PHKB: variants seen among roughly 807,000 people sequenced by gnomAD.
The protein encoded by PHKB is phosphorylase b kinase regulatory subunit beta.
In PHKB, 122 loss-of-function variants were observed where a neutral mutation model predicts 152.1. The ratio of observed to expected loss-of-function variants is 0.80; its 90% CI spans 0.69 to 0.93. The LOEUF (loss-of-function observed/expected upper bound fraction) is 0.93, where lower values mean the gene tolerates loss of function less well. Ranked by LOEUF, PHKB falls within the 40% of genes least tolerant of loss-of-function variation. The pLI is 0.00. For missense variants in PHKB, 1,304 were observed against 1,328.4 expected (o/e 0.98, Z 0.29); for synonymous variants, 436 against 464.9 (o/e 0.94, Z 0.80).
intron 6 of PHKB, among the ~76,000 whole-genome samples, chr16:47,520,827 GATA>G (rs2151655289): frequency 6.6e-6 from 1 of 152,234 alleles, no homozygotes; most frequent in African/African-American, 2.4e-5. Context: ...TCATTTTCTT[GATA>G]ATATCATTTG....
intron 7 of PHKB, among the ~76,000 whole-genome samples, chr16:47,549,619 T>G (rs1250316460): frequency 6.6e-6 from 1 of 151,928 alleles, no homozygotes; most frequent in African/African-American, 2.4e-5. Flanking sequence ...CTCTTGAACC[T>G]GGGAGGTGGA....
Position 47,663,666 on chromosome 16 carries a change from C to T in PHKB, c.2279-11C>T. 5 of 1,608,850 alleles carry T rather than the reference C, an allele frequency of 3.1e-6. No individual in the cohort carries two copies. The South Asian group carries it at 3.3e-5, about 11-fold the overall frequency. On this transcript the variant is annotated splice_polypyrimidine_tract_variant and intron_variant, in intron 23 of 30. Transcript: ENST00000323584. ...CTTTGTTCAACAAAGACTCTATTAT[C>T]CAATGTCTAGGTACCGTTTCTGATC...
At chr16:47,631,006 C>G (rs767898993) in intron 14 of PHKB, among the ~76,000 whole-genome samples, 1 of 152,162 alleles carries the variant, frequency 6.6e-6, no homozygotes, top group South Asian at 2.1e-4. Flanking sequence ...TTTAGGCCTT[C>G]GGACTCAGAC....
At chr16:47,629,354 G>A (rs1972777578) in intron 14 of PHKB, among the ~76,000 whole-genome samples, 1 of 151,944 alleles carries the variant, frequency 6.6e-6, no homozygotes, top group Non-Finnish European at 1.5e-5. Flanking sequence ...CCATCAAAAA[G>A]TGGGCGAAGG....
At chr16:47,540,560 C>G (rs1971036384) in intron 6 of PHKB, among the ~76,000 whole-genome samples, 1 of 152,000 alleles carries the variant, frequency 6.6e-6, no homozygotes, top group South Asian at 2.1e-4. Context: ...TGTGATGTCA[C>G]CCCTGGCGGC....
chr16:47,506,868 C>T lies in PHKB; in HGVS notation c.405+3778C>T, dbSNP rs1039451293. 3.9e-5 allele frequency among the ~76,000 whole-genome samples: 6 copies of T among 152,176 alleles called. No homozygotes were observed. In the East Asian group the frequency reaches 7.7e-4, roughly 20 times the overall value. On this transcript the variant is annotated intron_variant, in intron 4 of 30. Transcript: ENST00000323584. ...TCTCATAATGTTTTAAGAAAGTTTA[C>T]GAATCTGTGCTTGACTGCATTCAAA...
intron 1 of PHKB, among the ~76,000 whole-genome samples, chr16:47,489,245 GT>G (rs765329991): frequency 3.3e-5 from 5 of 152,130 alleles, no homozygotes; most frequent in Admixed American, 6.5e-5. Flanking sequence ...TAGAGATGGG[GT>G]TTCACCATGT....
At chr16:47,567,209 T>G (rs1971584704) in intron 7 of PHKB, among the ~76,000 whole-genome samples, 1 of 152,218 alleles carries the variant, frequency 6.6e-6, no homozygotes, top group Non-Finnish European at 1.5e-5. Context: ...ACAATATTGA[T>G]TCTTCCAATC....
At chr16:47,653,778 T>C (rs955843447) in intron 20 of PHKB, among the ~76,000 whole-genome samples, 4 of 152,210 alleles carry the variant, frequency 2.6e-5, no homozygotes, top group Non-Finnish European at 5.9e-5. Context: ...TAATGGGCTA[T>C]ACCATATTCT....
chr16:47,541,036 G>A (rs905671387), intron 6 of PHKB, among the ~76,000 whole-genome samples: 1 of 151,800 alleles, frequency 6.6e-6, no homozygotes, highest in African/African-American at 2.4e-5. Flanking sequence ...TAGGGTACAT[G>A]TGCACAACAT....
At chr16:47,600,217 A>G (rs1972197473) in intron 13 of PHKB, among the ~76,000 whole-genome samples, 1 of 152,204 alleles carries the variant, frequency 6.6e-6, no homozygotes, top group Non-Finnish European at 1.5e-5. Flanking sequence ...AAGACACAGT[A>G]TGCTATTTCC....
intron 1 of PHKB, among the ~76,000 whole-genome samples, chr16:47,471,917 A>G (rs538728663): frequency 2.6e-5 from 4 of 152,200 alleles, no homozygotes; most frequent in Admixed American, 1.3e-4. Flanking sequence ...TTAGCCGGGT[A>G]TGGTGGCGGG....
At chr16:47,513,651 T>G (rs1970547347) in intron 5 of PHKB, among the ~76,000 whole-genome samples, 1 of 152,178 alleles carries the variant, frequency 6.6e-6, no homozygotes, top group East Asian at 1.9e-4. Context: ...TCCCATCTAT[T>G]ACTCAGTTGG....
At chr16:47,698,654 A>G (rs1046504262) in intron 30 of PHKB, 66 bp downstream of exon 30, 5 of 1,273,744 alleles carry the variant, frequency 3.9e-6, no homozygotes, top group Non-Finnish European at 4.3e-6. Context: ...ATTCTTTAAA[A>G]TATCCCTAAT....
rs145848218 is a variant in PHKB, at chr16:47,550,175, C to T, written c.710+2627C>T. On this transcript the variant is annotated intron_variant, in intron 7 of 30. Transcript: ENST00000323584. ...GTCCAAAGGATACATTTTGAAACTG[C>T]GAGAGAGTTGAACTCCATGTGCTCA... Among the ~76,000 whole-genome samples the T allele has an allele frequency of 3.4e-4, 52 of 152,216 alleles. No individual in the cohort carries two copies. Among genetic ancestry groups the T allele is most frequent in the Middle Eastern group, 3.4e-3 (1 of 294 alleles).
At chr16:47,602,348 A>G (rs779081707) in intron 13 of PHKB, among the ~76,000 whole-genome samples, 1 of 152,214 alleles carries the variant, frequency 6.6e-6, no homozygotes, top group African/African-American at 2.4e-5. Context: ...ATATATACGA[A>G]GTTCCCAACT....
chr16:47,522,553 T>C (rs1178159670), intron 6 of PHKB, among the ~76,000 whole-genome samples: 1 of 151,636 alleles, frequency 6.6e-6, no homozygotes, highest in Non-Finnish European at 1.5e-5. Context: ...TTTTTTTTAG[T>C]CTTTATTATT....
chr16:47,683,099 G>A (rs1973893881), intron 26 of PHKB, among the ~76,000 whole-genome samples: 1 of 151,376 alleles, frequency 6.6e-6, no homozygotes, highest in Non-Finnish European at 1.5e-5. Flanking sequence ...AACCGCAAAT[G>A]CTGCTGCCTG....
intron 4 of PHKB, 65 bp downstream of exon 4, chr16:47,503,155 G>C: frequency 1.9e-6 from 2 of 1,062,410 alleles, no homozygotes; most frequent in South Asian, 2.6e-5. Flanking sequence ...AACTAGTATC[G>C]CAATGGTTTC....
Sources: gnomAD v4.1 joint callset for allele counts (sites outside exome capture counted in the v4.1 genomes callset) on GRCh38, gnomAD v4.1.1 for gene constraint, MANE v1.5 for transcripts, NCBI Gene and HGNC (gene_info 2026-07-23, HGNC 2026-07-21) for gene names.